The following CDK19 variants were observed in gnomAD, a reference collection of about 807,000 sequenced individuals.
The protein encoded by CDK19 is cyclin-dependent kinase 19.
In CDK19, 20 loss-of-function variants were observed where a neutral mutation model predicts 68.3. The ratio of observed to expected loss-of-function variants is 0.29; its 90% CI spans 0.21 to 0.43. The LOEUF (loss-of-function observed/expected upper bound fraction) is 0.43, where lower values mean the gene tolerates loss of function less well. Ranked by LOEUF, CDK19 falls within the 20% of genes least tolerant of loss-of-function variation. The pLI is 1.00. For missense variants in CDK19, 339 were observed against 623.5 expected (o/e 0.54, Z 4.86); for synonymous variants, 221 against 222.8 (o/e 0.99, Z 0.07).
chr6:110,771,412 C>T (rs1780008431), intron 1 of CDK19, among the ~76,000 whole-genome samples: 1 of 152,182 alleles, frequency 6.6e-6, no homozygotes, highest in Non-Finnish European at 1.5e-5. Context: ...ACTTTGGCCA[C>T]TTTTAGTCAC....
At chr6:110,764,727 G>A (rs1464606746) in intron 1 of CDK19, among the ~76,000 whole-genome samples, 1 of 152,132 alleles carries the variant, frequency 6.6e-6, no homozygotes, top group Non-Finnish European at 1.5e-5. Flanking sequence ...GAGGCAGGTG[G>A]ATCACCTGAG....
intron 1 of CDK19, among the ~76,000 whole-genome samples, chr6:110,759,105 T>TA (rs1160488800): frequency 6.6e-6 from 1 of 151,530 alleles, no homozygotes; most frequent in Non-Finnish European, 1.5e-5. Context: ...CTACAAAAAC[T>TA]AAAAAAATAT....
chr6:110,736,338 T>C (rs780955705), intron 2 of CDK19, among the ~76,000 whole-genome samples: 12 of 152,016 alleles, frequency 7.9e-5, no homozygotes, highest in Non-Finnish European at 4.4e-5. Context: ...CAAAATTCCA[T>C]TTCAAAATAA....
intron 2 of CDK19, among the ~76,000 whole-genome samples, chr6:110,705,065 G>A (rs867140379): frequency 6.2e-5 from 9 of 145,694 alleles, no homozygotes; most frequent in African/African-American, 2.3e-4. Context: ...TTTTGGAGAT[G>A]GAGTTTCACT....
intron 4 of CDK19, among the ~76,000 whole-genome samples, chr6:110,640,902 A>G (rs1482490127): frequency 6.6e-6 from 1 of 152,206 alleles, no homozygotes; most frequent in Non-Finnish European, 1.5e-5. Flanking sequence ...GGCTAGAGTG[A>G]GCTGTGAGCG....
chr6:110,617,856 CAAAAAAAAAAAAA>C lies in CDK19; in HGVS notation c.1378-3203_1378-3191del, dbSNP rs58620857. On this transcript the variant is annotated intron_variant, in intron 12 of 12. Coordinates refer to ENST00000368911, the MANE Select transcript of CDK19 (RefSeq NM_015076.5). ...TGGGTGACACAGTGAGACTCTGTCT[CAAAAAAAAAAAAA>C]AAAAAAAAAAAAAAAAGACTACATG... Among the ~76,000 whole-genome samples the C allele has an allele frequency of 1.3e-3, 22 of 17,360 alleles. No individual in the cohort carries two copies. The South Asian group carries it at 0.018, about 14-fold the overall frequency. 11.4% of individuals were successfully genotyped at this position (17,360 alleles called of 152,430 possible).
chr6:110,748,828 C>A (rs1202116433), intron 1 of CDK19, among the ~76,000 whole-genome samples: 1 of 152,256 alleles, frequency 6.6e-6, no homozygotes, highest in East Asian at 1.9e-4. Context: ...TCATACCTCA[C>A]AGCTTAGATG....
chr6:110,765,975 G>A (rs1779557908), intron 1 of CDK19, among the ~76,000 whole-genome samples: 1 of 152,018 alleles, frequency 6.6e-6, no homozygotes, highest in Non-Finnish European at 1.5e-5. Context: ...GCAGAGAAAG[G>A]GGAACTCTTA....
At chr6:110,707,038 C>T (rs1365709203) in intron 2 of CDK19, among the ~76,000 whole-genome samples, 9 of 148,970 alleles carry the variant, frequency 6.0e-5, no homozygotes, top group South Asian at 2.1e-4. Flanking sequence ...CAGCCGGGCA[C>T]GGTGGCTCAC....
rs146346020 is a variant in CDK19, at chr6:110,667,884, C to G, written c.316-310G>C. On this transcript the variant is annotated intron_variant, in intron 3 of 12. Coordinates refer to ENST00000368911, the MANE Select transcript of CDK19 (RefSeq NM_015076.5). ...CTGAAGAAGAGTATTATATTCTCTACTGACAGAATGAAAGATTTAAAAAAG... is the reference window on the plus strand; with the variant it reads ...CTGAAGAAGAGTATTATATTCTCTAGTGACAGAATGAAAGATTTAAAAAAG... 6.3e-4 allele frequency among the ~76,000 whole-genome samples: 96 copies of G among 152,172 alleles called. No homozygotes were observed. In the East Asian group the frequency reaches 0.013, roughly 21 times the overall value.
chr6:110,757,442 C>A (rs374315547), intron 1 of CDK19, among the ~76,000 whole-genome samples: 2 of 151,966 alleles, frequency 1.3e-5, no homozygotes. Context: ...ATACTATGCA[C>A]GAAACACTTG....
At chr6:110,809,987 T>C (rs1389105237) in intron 1 of CDK19, among the ~76,000 whole-genome samples, 1 of 152,202 alleles carries the variant, frequency 6.6e-6, no homozygotes, top group African/African-American at 2.4e-5. Context: ...GTATGAGTTT[T>C]ACAGGTTTGT....
rs116506562 is a variant in CDK19, at chr6:110,788,883, T to C, written c.128+26126A>G. Among the ~76,000 whole-genome samples the C allele has an allele frequency of 5.4e-3, 830 of 152,332 alleles. 8 individuals carry two copies. Among genetic ancestry groups the C allele is most frequent in the African/African-American group, 0.019 (808 of 41,582 alleles). On this transcript the variant is annotated intron_variant, in intron 1 of 12. Transcript: ENST00000368911. ...AATGTCATGACTTCTCTCTGCTTCT[T>C]GGGAGCACTTCTGGCATGATTAGTG...
At chr6:110,756,519 G>A (rs767662591) in intron 1 of CDK19, among the ~76,000 whole-genome samples, 4 of 150,780 alleles carry the variant, frequency 2.7e-5, no homozygotes, top group African/African-American at 4.9e-5. Context: ...CCAAGATTGC[G>A]CCACTGCACT....
rs896239031 is a variant in CDK19 at position 110,765,050 on chromosome 6, AT to A, written c.129-18850del. ...GGTTTACAGTACTAAAACACAATTC[AT>A]TTTTTTTTTTTAATTTGGGAAGTGG... On this transcript the variant is annotated intron_variant, in intron 1 of 12. Coordinates refer to ENST00000368911, the MANE Select transcript of CDK19 (RefSeq NM_015076.5). 7.0e-3 allele frequency among the ~76,000 whole-genome samples: 1,033 copies of A among 146,668 alleles called. 8 individuals carry two copies. Among genetic ancestry groups the A allele is most frequent in the African/African-American group, 0.021 (864 of 40,434 alleles).
chr6:110,641,648 AG>A lies in CDK19; in HGVS notation c.457-2943del, dbSNP rs1470614673. On this transcript the variant is annotated intron_variant, in intron 4 of 12. Coordinates refer to ENST00000368911, the MANE Select transcript of CDK19 (RefSeq NM_015076.5). ...AGAGGAAAGGAGGAAAGGGAAAGAA[AG>A]GAAGGAAGGAAGGAAGGAAGGAAGG... Among the ~76,000 whole-genome samples the A allele has an allele frequency of 5.7e-3, 743 of 129,306 alleles. 10 individuals are homozygous for A. Among genetic ancestry groups the A allele is most frequent in the South Asian group, 0.052 (212 of 4,052 alleles). 84.8% of individuals were successfully genotyped at this position (129,306 alleles called of 152,430 possible).
Position 110,688,000 on chromosome 6 carries a change from T to C in CDK19, c.205-17459A>G, listed in dbSNP as rs1054882718. On this transcript the variant is annotated intron_variant, in intron 2 of 12. Coordinates refer to ENST00000368911, the MANE Select transcript of CDK19 (RefSeq NM_015076.5). ...GGGTCAAATCTCACATACACTCTCC[T>C]CTTTGAAATGTTCTCCAGTGTAAGT... 2.0e-5 allele frequency among the ~76,000 whole-genome samples: 3 copies of C among 152,200 alleles called. No homozygotes were observed. The South Asian group carries it at 6.2e-4, about 31-fold the overall frequency.
At chr6:110,757,459 T>C (rs987849438) in intron 1 of CDK19, among the ~76,000 whole-genome samples, 1 of 152,222 alleles carries the variant, frequency 6.6e-6, no homozygotes, top group Non-Finnish European at 1.5e-5. Flanking sequence ...CTTGACTAAA[T>C]TGTGGTTCAA....
intron 4 of CDK19, among the ~76,000 whole-genome samples, chr6:110,653,527 G>C (rs1330918097): frequency 1.3e-5 from 2 of 152,184 alleles, no homozygotes; most frequent in Non-Finnish European, 2.9e-5. Flanking sequence ...CAAAATGCCA[G>C]CTGTGAAAGA....
Sources: gnomAD v4.1 joint callset for allele counts (sites outside exome capture counted in the v4.1 genomes callset) on GRCh38, gnomAD v4.1.1 for gene constraint, MANE v1.5 for transcripts, NCBI Gene and HGNC (gene_info 2026-07-23, HGNC 2026-07-21) for gene names.